The following MAGI2 variants were observed in gnomAD, a reference collection of about 807,000 sequenced individuals.
The protein encoded by MAGI2 is membrane associated guanylate kinase, WW and PDZ domain containing 2.
MAGI2 carries 35 observed loss-of-function variants against 133.3 expected under a neutral mutation model. The ratio of observed to expected loss-of-function variants is 0.26; its 90% confidence interval spans 0.20 to 0.35. The LOEUF is 0.35. Among genes scored for constraint, MAGI2 ranks in the 10% least tolerant of loss-of-function variants. MAGI2 has a pLI of 1.00. For synonymous variants in MAGI2, 729 were observed against 710.6 expected (o/e 1.03, Z -0.41); for missense variants, 1,636 against 1,863.4 (o/e 0.88, Z 2.25).
chr7:78,358,181 A>T (rs1792312217), intron 7 of MAGI2: 1 of 59,898 alleles, frequency 1.7e-5, no homozygotes, highest in African/African-American at 6.3e-5. Flanking sequence ...AAAAAAAAAA[A>T]AAAAAAAAAA....
At chr7:78,451,340 GC>G (rs1788704680) in intron 6 of MAGI2, among the ~76,000 whole-genome samples, 1 of 151,990 alleles carries the variant, frequency 6.6e-6, no homozygotes, top group South Asian at 2.1e-4. Context: ...TGTTTAGAAC[GC>G]AAAGGAAAAA....
At chr7:78,397,764 T>G (rs1796493668) in intron 6 of MAGI2, among the ~76,000 whole-genome samples, 1 of 152,146 alleles carries the variant, frequency 6.6e-6, no homozygotes, top group Non-Finnish European at 1.5e-5. Context: ...CACTGCTACT[T>G]AGGACCAACA....
chr7:78,665,377 GA>G (rs1285564639), intron 2 of MAGI2, among the ~76,000 whole-genome samples: 3 of 152,110 alleles, frequency 2.0e-5, no homozygotes, highest in Non-Finnish European at 2.9e-5. Flanking sequence ...CCAGAAATGG[GA>G]AATAAATCAA....
intron 21 of MAGI2, among the ~76,000 whole-genome samples, chr7:78,038,858 C>A (rs3779340): frequency 2.0e-5 from 3 of 152,176 alleles, no homozygotes; most frequent in Non-Finnish European, 2.9e-5. Context: ...TAGTTAAGTT[C>A]GTGGGCGTTT....
intron 3 of MAGI2, among the ~76,000 whole-genome samples, chr7:78,592,708 G>A (rs1018915244): frequency 6.6e-6 from 1 of 152,070 alleles, no homozygotes; most frequent in African/African-American, 2.4e-5. Context: ...GAACTGTCAG[G>A]GGAGGGAATG....
chr7:79,407,148 A>C (rs538674720), intron 1 of MAGI2, among the ~76,000 whole-genome samples: 1 of 152,286 alleles, frequency 6.6e-6, no homozygotes, highest in Non-Finnish European at 1.5e-5. Flanking sequence ...CAGTGCAAAA[A>C]GAACTTGCTT....
chr7:78,083,387 G>GGAGAGGGAGAGAGAGAGAGA (rs1816232684), intron 20 of MAGI2, among the ~76,000 whole-genome samples: 6 of 33,306 alleles, frequency 1.8e-4, no homozygotes, highest in African/African-American at 7.7e-4. Flanking sequence ...AGGGAGGGGG[G>GGAGAGGGAGAGAGAGAGAGA]GAGAGAGAGA....
intron 1 of MAGI2, among the ~76,000 whole-genome samples, chr7:79,159,975 T>C (rs1824197808): frequency 6.6e-6 from 1 of 152,104 alleles, no homozygotes; most frequent in African/African-American, 2.4e-5. Context: ...AGTAACTTAC[T>C]TAAGAAGGTA....
rs533289889 is a variant in MAGI2, at chr7:78,569,169, TTTC to T, written c.539-47527_539-47525del. ...ACACGTCACTATTCCTTTGCTTTAT[TTTC>T]TTAAGAGCCCTTATCGCCACCTGAC... is the stretch of plus-strand genomic sequence containing the variant. On this transcript the variant is annotated intron_variant, in intron 3 of 21. Coordinates refer to ENST00000354212, the MANE Select transcript of MAGI2 (RefSeq NM_012301.4). 1.3e-4 allele frequency among the ~76,000 whole-genome samples: 20 copies of T among 152,220 alleles called. 1 individual carries two copies. Among genetic ancestry groups the T allele is most frequent in the Non-Finnish European group, 2.6e-4 (18 of 67,998 alleles).
At chr7:79,005,610 T>C (rs1807356847) in intron 2 of MAGI2, among the ~76,000 whole-genome samples, 1 of 152,194 alleles carries the variant, frequency 6.6e-6, no homozygotes, top group Non-Finnish European at 1.5e-5. Context: ...TTCTTATCTA[T>C]TTTTCTCAGC....
At chr7:79,205,614 T>C (rs1404493984) in intron 1 of MAGI2, among the ~76,000 whole-genome samples, 1 of 151,810 alleles carries the variant, frequency 6.6e-6, no homozygotes, top group Non-Finnish European at 1.5e-5. Context: ...TAATTTGGTG[T>C]ATAAATTTCT....
intron 1 of MAGI2, among the ~76,000 whole-genome samples, chr7:79,205,498 T>C (rs1427661276): frequency 6.6e-6 from 1 of 151,982 alleles, no homozygotes; most frequent in Non-Finnish European, 1.5e-5. Flanking sequence ...AGTGGCTTCT[T>C]TGAGTTGAAA....
intron 2 of MAGI2, among the ~76,000 whole-genome samples, chr7:78,677,984 G>A (rs1407666260): frequency 6.6e-6 from 1 of 152,086 alleles, no homozygotes; most frequent in Non-Finnish European, 1.5e-5. Flanking sequence ...GGGATGCACA[G>A]AAAACTTCCA....
At chr7:78,937,832 T>C (rs896167474) in intron 2 of MAGI2, among the ~76,000 whole-genome samples, 3 of 152,074 alleles carry the variant, frequency 2.0e-5, no homozygotes, top group African/African-American at 7.2e-5. Flanking sequence ...TGGGAGCTAG[T>C]AAAAGGATTA....
At chr7:78,549,186 G>T (rs2150697251) in intron 3 of MAGI2, among the ~76,000 whole-genome samples, 1 of 152,176 alleles carries the variant, frequency 6.6e-6, no homozygotes, top group Middle Eastern at 3.4e-3. Flanking sequence ...ATAGATATAA[G>T]TGGGCCTGGA....
At chr7:78,565,966 A>G (rs573188890) in intron 3 of MAGI2, among the ~76,000 whole-genome samples, 20 of 152,250 alleles carry the variant, frequency 1.3e-4, no homozygotes, top group Non-Finnish European at 1.9e-4. Context: ...TCATCTGTAA[A>G]ATGAGGATAA....
At chr7:78,820,560 T>G (rs1349141961) in intron 2 of MAGI2, among the ~76,000 whole-genome samples, 1 of 151,918 alleles carries the variant, frequency 6.6e-6, no homozygotes. Flanking sequence ...TACAGTATGC[T>G]CTATCAGAGC....
chr7:78,765,596 C>G (rs1301345805), intron 2 of MAGI2, among the ~76,000 whole-genome samples: 1 of 151,950 alleles, frequency 6.6e-6, no homozygotes, highest in Non-Finnish European at 1.5e-5. Context: ...ATCTGCCCAC[C>G]TCGGCCTCTC....
At chr7:78,761,986 G>A (rs1179078654) in intron 2 of MAGI2, among the ~76,000 whole-genome samples, 1 of 152,022 alleles carries the variant, frequency 6.6e-6, no homozygotes, top group East Asian at 1.9e-4. Flanking sequence ...ATGAGGCATG[G>A]ACTCTATCCG....
Sources: gnomAD v4.1 joint callset for allele counts (sites outside exome capture counted in the v4.1 genomes callset) on GRCh38, gnomAD v4.1.1 for gene constraint, MANE v1.5 for transcripts, NCBI Gene and HGNC (gene_info 2026-07-23, HGNC 2026-07-21) for gene names.